KLRD1: variants seen among roughly 807,000 people sequenced by gnomAD.
The protein encoded by KLRD1 is killer cell lectin like receptor D1.
Under a neutral mutation model 22.6 loss-of-function variants are expected in KLRD1, and 21 were observed. The observed-to-expected ratio is 0.93, with a 90% CI of 0.66 to 1.34. The LOEUF is 1.34. Among genes scored for constraint, KLRD1 ranks in the 40% most tolerant of loss-of-function variants. The pLI is 0.00. For synonymous variants in KLRD1, 59 were observed against 71.1 expected (o/e 0.83, Z 0.85); for missense variants, 183 against 208.6 (o/e 0.88, Z 0.76).
At chr12:10,298,955 G>A (rs1400181892) in intron 1 of KLRD1, among the ~76,000 whole-genome samples, 3 of 152,148 alleles carry the variant, frequency 2.0e-5, no homozygotes, top group Non-Finnish European at 2.9e-5. Context: ...GCACCGCTGG[G>A]TTAGGGTCTC....
intron 4 of KLRD1, 193 bp downstream of exon 4, chr12:10,311,808 T>C (rs1950078414): frequency 4.4e-6 from 2 of 452,232 alleles, no homozygotes; most frequent in Non-Finnish European, 7.7e-6. Flanking sequence ...GATTATATCA[T>C]GGGAATACAA....
At chr12:10,300,043 C>T (rs1421714442), upstream of KLRD1, among the ~76,000 whole-genome samples, 1 of 152,160 alleles carries the variant, frequency 6.6e-6, no homozygotes, top group Non-Finnish European at 1.5e-5. Flanking sequence ...CAGTTACTTC[C>T]TCCACTGAAT....
At chr12:10,248,619 T>TC (rs1322662155) in intron 1 of KLRD1, among the ~76,000 whole-genome samples, 1 of 149,286 alleles carries the variant, frequency 6.7e-6, no homozygotes, top group East Asian at 2.0e-4. Context: ...TTTTTTTTTT[T>TC]CAGAGTCTCT....
chr12:10,243,499 A>T (rs1230444319), intron 1 of KLRD1, among the ~76,000 whole-genome samples: 1 of 150,022 alleles, frequency 6.7e-6, no homozygotes, highest in Non-Finnish European at 1.5e-5. Context: ...CTATAATCCC[A>T]GCTACTCAGG....
rs1166077000 is a variant in KLRD1, at chr12:10,239,458, C to A, written c.-101+13225C>A. ...CTTTCCTTCCTTCCTTCCTTCCTTC[C>A]TTCCTTCCTTCCTTCCTTCCTTCCT... On this transcript the variant is annotated intron_variant, in intron 1 of 5. Coordinates refer to the KLRD1 transcript ENST00000544747. Among the ~76,000 whole-genome samples, 9 of 30,548 alleles carry A rather than the reference C, an allele frequency of 2.9e-4. 1 individual carries two copies. In the East Asian group the frequency reaches 3.4e-3, roughly 11 times the overall value. 20.0% of individuals were successfully genotyped at this position (30,548 alleles called of 152,430 possible).
At chr12:10,269,392 C>A (rs1949529042) in intron 1 of KLRD1, among the ~76,000 whole-genome samples, 1 of 152,060 alleles carries the variant, frequency 6.6e-6, no homozygotes, top group African/African-American at 2.4e-5. Flanking sequence ...CTCAGATGAT[C>A]TTCCTGCCTC....
At chr12:10,287,374 A>C (rs1396319543) in intron 1 of KLRD1, among the ~76,000 whole-genome samples, 1 of 151,626 alleles carries the variant, frequency 6.6e-6, no homozygotes, top group African/African-American at 2.4e-5. Context: ...ATAACTCCGA[A>C]TTTTTTTTTA....
At chr12:10,249,168 G>T (rs3898121) in intron 1 of KLRD1, among the ~76,000 whole-genome samples, 86,568 of 151,908 alleles carry the variant, frequency 0.57, 27,347 homozygotes, top group Admixed American at 0.74. Context: ...TCAGCCAACC[G>T]GTGGGGGAGA....
At position 10,254,973 on chromosome 12, in the gene KLRD1, G is replaced by A. The variant is rs118178686; in HGVS notation, c.-101+28740G>A. 6.3e-3 allele frequency among the ~76,000 whole-genome samples: 941 copies of A among 149,444 alleles called. 42 individuals are homozygous for A. The highest frequency in any genetic ancestry group is 8.1e-3 in the Non-Finnish European group (549 of 67,362). On this transcript the variant is annotated intron_variant, in intron 1 of 5. Transcript: ENST00000544747. ...CTTCTCAAAAGAAGACATACTTGTG[G>A]CCTACAAGCACATGAAAAAAGCTCA...
chr12:10,243,007 G>A (rs1185157645), intron 1 of KLRD1, among the ~76,000 whole-genome samples: 1 of 152,076 alleles, frequency 6.6e-6, no homozygotes, highest in Admixed American at 6.6e-5. Context: ...GGGGCATTAT[G>A]GTAAGTGAAA....
At chr12:10,262,168 T>C (rs1438753855) in intron 1 of KLRD1, among the ~76,000 whole-genome samples, 2 of 152,144 alleles carry the variant, frequency 1.3e-5, no homozygotes, top group African/African-American at 2.4e-5. Context: ...TTGATAATTA[T>C]CTGATGTGTA....
intron 1 of KLRD1, among the ~76,000 whole-genome samples, chr12:10,271,361 A>T (rs1949548387): frequency 6.6e-6 from 1 of 152,190 alleles, no homozygotes. Flanking sequence ...TTGGTACACC[A>T]TTCTAAGTCA....
At position 10,308,050 on chromosome 12, in the gene KLRD1, C is replaced by G; in HGVS notation, c.-28C>G. On this transcript the variant is annotated 5_prime_UTR_variant, in exon 1 of 6. Coordinates refer to ENST00000336164, the MANE Select transcript of KLRD1 (RefSeq NM_002262.5). ...TGAAAAAGTACACATCGTGCCTTCT[C>G]TACTTCGCTCTTGGAACATAATTTC... The G allele has an allele frequency of 6.2e-7, 1 of 1,607,578 alleles. No homozygotes were observed. Among genetic ancestry groups the G allele is most frequent in the Non-Finnish European group, 8.5e-7 (1 of 1,174,144 alleles).
rs1950223830 is a variant in KLRD1, at chr12:10,316,187, T to G, written c.*1394T>G. On this transcript the variant is annotated 3_prime_UTR_variant, in exon 6 of 6. Coordinates refer to ENST00000336164, the MANE Select transcript of KLRD1 (RefSeq NM_002262.5). Reference sequence around the variant, plus strand: ...ATTGCATCTGAAAAACTGCCTCACCTTTGTTATTTAGTGTACTCCAACCAC... The same window carrying G: ...ATTGCATCTGAAAAACTGCCTCACCGTTGTTATTTAGTGTACTCCAACCAC... 1 of 150,516 alleles carries G rather than the reference T, an allele frequency of 6.6e-6. No homozygotes were observed. Among genetic ancestry groups the G allele is most frequent in the Non-Finnish European group, 1.5e-5 (1 of 67,850 alleles). 9.3% of individuals were successfully genotyped at this position (150,516 alleles called of 1,614,324 possible).
At chr12:10,250,314 C>G (rs1156453002) in intron 1 of KLRD1, among the ~76,000 whole-genome samples, 3 of 149,326 alleles carry the variant, frequency 2.0e-5, no homozygotes, top group Non-Finnish European at 4.4e-5. Flanking sequence ...AACATTTTAG[C>G]ATACCCAAAG....
At chr12:10,304,889 T>C (rs1331913073), upstream of KLRD1, among the ~76,000 whole-genome samples, 1 of 152,214 alleles carries the variant, frequency 6.6e-6, no homozygotes, top group Admixed American at 6.5e-5. Context: ...TAACGTCTTT[T>C]GTTTTTTCTC....
At chr12:10,239,036 A>G (rs1344977022) in intron 1 of KLRD1, among the ~76,000 whole-genome samples, 1 of 152,162 alleles carries the variant, frequency 6.6e-6, no homozygotes, top group Admixed American at 6.5e-5. Flanking sequence ...AAGAATTCTA[A>G]AAAGCCAGAA....
At chr12:10,306,041 A>C (rs1592078209), upstream of KLRD1, among the ~76,000 whole-genome samples, 1 of 150,408 alleles carries the variant, frequency 6.6e-6, no homozygotes, top group Non-Finnish European at 1.5e-5. Flanking sequence ...TGGTGGCGGG[A>C]GCCTGTAGCC....
chr12:10,257,139 CT>C (rs55950006), intron 1 of KLRD1, among the ~76,000 whole-genome samples: 1,602 of 130,254 alleles, frequency 0.012, 31 homozygotes, highest in African/African-American at 0.046. Flanking sequence ...CTTTTCTTTT[CT>C]TTTTTTTTTT....
Sources: allele counts gnomAD v4.1 joint callset (sites outside exome capture counted in the v4.1 genomes callset), GRCh38; gene constraint gnomAD v4.1.1; transcripts MANE v1.5; gene names NCBI Gene and HGNC (gene_info 2026-07-23, HGNC 2026-07-21).